Variants in VPS13A observed in about 807,000 individuals in gnomAD.
The protein encoded by VPS13A is vacuolar protein sorting 13 homolog A.
Under a neutral mutation model 390.9 loss-of-function variants are expected in VPS13A, and 264 were observed. That is an observed-to-expected ratio of 0.68 (90% CI 0.61 to 0.75). The LOEUF is 0.75. VPS13A is among the 30% of genes least tolerant of loss of function. VPS13A has a pLI of 0.00. For synonymous variants in VPS13A, 1,231 were observed against 1,227.1 expected, an observed-to-expected ratio of 1.00 and a Z score of -0.07; for missense variants, 3,409 against 3,733.9, an observed-to-expected ratio of 0.91 and a Z score of 2.27.
chr9:77,316,156 T>G lies in VPS13A; in HGVS notation c.4631-18T>G. ...ATAATATATAGCAAATATTTTAATCTATTTTTATTTGTTTTAGTACCTACA... is the reference window on the plus strand; with the variant it reads ...ATAATATATAGCAAATATTTTAATCGATTTTTATTTGTTTTAGTACCTACA... On this transcript the variant is annotated intron_variant, in intron 38 of 71. Coordinates refer to ENST00000360280, the MANE Select transcript of VPS13A (RefSeq NM_033305.3). 1 of 1,448,806 alleles carries G rather than the reference T, an allele frequency of 6.9e-7. No homozygotes were observed. The highest frequency in any genetic ancestry group is 1.4e-5 in the African/African-American group (1 of 70,850). The allele number at this position is 1,448,806 out of a possible 1,614,324, so 89.7% of individuals were successfully genotyped here. A position where few individuals can be genotyped will look rare whatever the true frequency, so the allele number is the denominator to read the frequency against.
chr9:77,200,871 G>A (rs1211806864), intron 2 of VPS13A, among the ~76,000 whole-genome samples: 1 of 152,116 alleles, frequency 6.6e-6, no homozygotes, highest in Non-Finnish European at 1.5e-5. Flanking sequence ...GGTAATTTTT[G>A]TATATGGTAT....
In VPS13A at chr9:77,382,795, G is replaced by A; in HGVS notation, c.9189+708G>A. ...TGATAAGCAGTTCACATGCAAACCAGTATCTTTTAATAATACAAAGTAGCA... is the reference window on the plus strand; with the variant it reads ...TGATAAGCAGTTCACATGCAAACCAATATCTTTTAATAATACAAAGTAGCA... On this transcript the variant is annotated intron_variant, in intron 68 of 71. Transcript: ENST00000360280. 6 of 985,438 alleles carry A rather than the reference G, an allele frequency of 6.1e-6. No individual in the cohort carries two copies. In the South Asian group the frequency reaches 1.4e-4, roughly 23 times the overall value. The allele number at this position is 985,438 out of a possible 1,614,324, so 61.0% of individuals were successfully genotyped here. A position where few individuals can be genotyped will look rare whatever the true frequency, so the allele number is the denominator to read the frequency against.
intron 31 of VPS13A, among the ~76,000 whole-genome samples, chr9:77,291,505 C>T (rs1230308636): frequency 1.3e-5 from 2 of 152,068 alleles, no homozygotes; most frequent in Non-Finnish European, 1.5e-5. Flanking sequence ...GTTTGAATTC[C>T]AGATTAATAC....
chr9:77,319,983 C>T (rs1331740224), intron 42 of VPS13A, among the ~76,000 whole-genome samples: 1 of 152,050 alleles, frequency 6.6e-6, no homozygotes, highest in Non-Finnish European at 1.5e-5. Context: ...TGTTTGCCCT[C>T]TGAATATAAT....
At chr9:77,302,530 G>A (rs1172589917) in intron 33 of VPS13A, among the ~76,000 whole-genome samples, 5 of 151,060 alleles carry the variant, frequency 3.3e-5, no homozygotes, top group East Asian at 2.0e-4. Context: ...ATGCCACCAC[G>A]GCCAGCTAAT....
At chr9:77,373,774 TCAAA>T (rs1408175998) in intron 67 of VPS13A, among the ~76,000 whole-genome samples, 3 of 151,104 alleles carry the variant, frequency 2.0e-5, no homozygotes, top group Non-Finnish European at 4.4e-5. Flanking sequence ...TACAATGAAC[TCAAA>T]CAAATTTACA....
At chr9:77,220,522 A>T in intron 12 of VPS13A, 139 bp downstream of exon 12, 1 of 655,416 alleles carries the variant, frequency 1.5e-6, no homozygotes, top group Non-Finnish European at 2.6e-6. Flanking sequence ...AGCTAGAAAT[A>T]TATGTAGCTG....
intron 68 of VPS13A, among the ~76,000 whole-genome samples, chr9:77,400,757 G>A (rs928967676): frequency 5.3e-5 from 8 of 151,376 alleles, no homozygotes; most frequent in African/African-American, 1.9e-4. Context: ...GAACCCAGGA[G>A]GCAGAGTTTG....
chr9:77,357,316 CAAAAAAA>C (rs1156801817), intron 55 of VPS13A, among the ~76,000 whole-genome samples: 780 of 44,590 alleles, frequency 0.017, 12 homozygotes, highest in African/African-American at 0.082. Flanking sequence ...GACTCTGTCT[CAAAAAAA>C]AAAAAAAAAA....
intron 68 of VPS13A, among the ~76,000 whole-genome samples, chr9:77,394,014 C>G (rs144316277): frequency 1.5e-3 from 233 of 152,108 alleles, no homozygotes; most frequent in African/African-American, 5.2e-3. Flanking sequence ...GTGATCCACC[C>G]ACCTCGGCGT....
intron 54 of VPS13A, 26 bp from the exon 55 acceptor site, chr9:77,356,688 C>T: frequency 1.3e-6 from 2 of 1,580,332 alleles, no homozygotes; most frequent in Non-Finnish European, 1.7e-6. Flanking sequence ...GTATTAAATA[C>T]TATGATTTTT....
At chr9:77,380,587 G>A (rs1413074494) in intron 67 of VPS13A, among the ~76,000 whole-genome samples, 1 of 152,104 alleles carries the variant, frequency 6.6e-6, no homozygotes, top group Non-Finnish European at 1.5e-5. Flanking sequence ...TGGGATTACA[G>A]ACATGAGCCA....
chr9:77,247,937 G>C (rs1824918363), intron 20 of VPS13A, among the ~76,000 whole-genome samples: 1 of 152,176 alleles, frequency 6.6e-6, no homozygotes, highest in Non-Finnish European at 1.5e-5. Flanking sequence ...GGGATTACTG[G>C]CGTGAGCCAC....
rs765701298 is a variant in VPS13A, at chr9:77,359,367, G to A, written c.8070G>A (p.Met2690Ile). 1.1e-5 allele frequency: 17 copies of A among 1,613,334 alleles called. No individual in the cohort carries two copies. Among genetic ancestry groups the A allele is most frequent in the Non-Finnish European group, 1.3e-5 (15 of 1,179,664 alleles). The change falls in exon 58 of 72, where the codon ATG becomes ATA. Residue 2690 changes from methionine (M) to isoleucine (I), a missense_variant. Met to Ile is a conservative substitution (Grantham distance 10). Around this residue, in one of 5 missense-constraint regions of VPS13A, gnomAD observed 221 missense variants for 300.7 expected, o/e 0.73. Coordinates refer to ENST00000360280, the MANE Select transcript of VPS13A (RefSeq NM_033305.3). ...CCTTTACAGATGTCAGTATTGTCAT[G>A]AGATCTGCAGGACATTCCCAGATAT... is the stretch of plus-strand genomic sequence containing the variant. ...PKPFTDVSIV[M>I]RSAGHSQISR...
chr9:77,183,412 G>A (rs1240098475), intron 1 of VPS13A, among the ~76,000 whole-genome samples: 1 of 152,010 alleles, frequency 6.6e-6, no homozygotes, highest in African/African-American at 2.4e-5. Flanking sequence ...CCAGGTTTTT[G>A]CTGATTTGCT....
chr9:77,278,044 C>G (rs1344769908), intron 26 of VPS13A, among the ~76,000 whole-genome samples: 1 of 151,894 alleles, frequency 6.6e-6, no homozygotes, highest in Non-Finnish European at 1.5e-5. Context: ...ATAGCAGTTA[C>G]TAAGTTTTTT....
intron 31 of VPS13A, among the ~76,000 whole-genome samples, chr9:77,287,178 C>T (rs1052238984): frequency 6.8e-6 from 1 of 147,538 alleles, no homozygotes; most frequent in African/African-American, 2.5e-5. Flanking sequence ...TAAGAAAAAA[C>T]TAATTATATA....
At chr9:77,384,674 A>G (rs1219861244) in intron 68 of VPS13A, 3 of 1,601,538 alleles carry the variant, frequency 1.9e-6, no homozygotes, top group Admixed American at 1.7e-5. Flanking sequence ...AGTCAGATCT[A>G]AACCATTAAA....
intron 23 of VPS13A, among the ~76,000 whole-genome samples, chr9:77,262,738 C>G (rs111522360): frequency 6.6e-6 from 1 of 152,138 alleles, no homozygotes; most frequent in South Asian, 2.1e-4. Context: ...CCAGCTTCAT[C>G]CATGTCCTTG....
Sources: gnomAD v4.1 joint callset for allele counts (sites outside exome capture counted in the v4.1 genomes callset) on GRCh38, gnomAD v4.1.1 for gene constraint, gnomAD v4.1.1 regional missense constraint, MANE v1.5 for transcripts, NCBI Gene and HGNC (gene_info 2026-07-23, HGNC 2026-07-21) for gene names.